Variants in EP300 observed in about 807,000 individuals in gnomAD.
The protein encoded by EP300 is histone acetyltransferase p300.
A neutral mutation model predicts 264.0 loss-of-function variants in EP300; 31 were observed. The observed-to-expected ratio is 0.12, with a 90% CI of 0.09 to 0.16. The LOEUF (loss-of-function observed/expected upper bound fraction) is 0.16. Among genes scored for constraint, EP300 ranks in the 10% least tolerant of loss-of-function variants. EP300 has a pLI of 1.00. For missense variants in EP300, 2,766 were observed against 3,052.9 expected (o/e 0.91, Z 2.21); for synonymous variants, 1,340 against 1,045.4 (o/e 1.28, Z -5.44).
chr22:41,117,181 T>A lies in EP300; in HGVS notation c.95-6T>A. 6.2e-7 allele frequency: 1 copy of A among 1,614,042 alleles called. No individual in the cohort carries two copies. On this transcript the variant is annotated splice_region_variant and splice_polypyrimidine_tract_variant and intron_variant, in intron 1 of 30. Coordinates refer to ENST00000263253, the MANE Select transcript of EP300 (RefSeq NM_001429.4). ...TTTGACCTTTGTCTTTTCCCTTTGC[T>A]TTTAGATTTTGGCTCTCTATTTGAC...
Position 41,158,655 on chromosome 22 carries a change from T to A in EP300, c.3590+155T>A, listed in dbSNP as rs932864341. ...CTGTTTTTTGCCTTCTGCCTTTGTT[T>A]GCAGAACAATAAAATTTTCTATCAG... On this transcript the variant is annotated intron_variant, in intron 19 of 30. Transcript: ENST00000263253. 7 of 660,370 alleles carry A rather than the reference T, an allele frequency of 1.1e-5. No homozygotes were observed. In the African/African-American group the frequency reaches 1.3e-4, roughly 12 times the overall value. The allele number at this position is 660,370 out of a possible 1,614,324, so 40.9% of individuals were successfully genotyped here.
chr22:41,147,115 C>G (rs1039873362), intron 11 of EP300, among the ~76,000 whole-genome samples: 30 of 151,762 alleles, frequency 2.0e-4, no homozygotes, highest in African/African-American at 6.8e-4. Context: ...ACCAGCCTGG[C>G]CAATGTGGTG....
chr22:41,117,938 C>T lies in EP300; in HGVS notation c.729+117C>T. 3 of 1,516,590 alleles carry T rather than the reference C, an allele frequency of 2.0e-6. No homozygotes were observed. The South Asian group carries it at 3.5e-5, about 18-fold the overall frequency. The allele number at this position is 1,516,590 out of a possible 1,614,324, so 93.9% of individuals were successfully genotyped here. On this transcript the variant is annotated intron_variant, in intron 2 of 30. Coordinates refer to ENST00000263253, the MANE Select transcript of EP300 (RefSeq NM_001429.4). ...TCCACTATTACACGCCAGGAATTTA[C>T]TGTGCTGTCATAAGTTTTAAGAAGT...
intron 2 of EP300, among the ~76,000 whole-genome samples, chr22:41,124,296 A>G (rs2058868679): frequency 6.6e-6 from 1 of 152,162 alleles, no homozygotes; most frequent in East Asian, 1.9e-4. Context: ...TGAAGGGCCA[A>G]GCAGGTGACT....
rs964849102 is a variant in EP300, at chr22:41,092,849, C to T, written c.-156C>T. ...AGTCCGCATCCCTCTCCAGCCACTG[C>T]GACCCGGCGAAGAGAAAAAGGAACT... is the stretch of plus-strand genomic sequence containing the variant. On this transcript the variant is annotated 5_prime_UTR_variant, in exon 1 of 31. Coordinates refer to ENST00000263253, the MANE Select transcript of EP300 (RefSeq NM_001429.4). 13 of 815,668 alleles carry T rather than the reference C, an allele frequency of 1.6e-5. No homozygotes were observed. Among genetic ancestry groups the T allele is most frequent in the Admixed American group, 5.8e-5 (3 of 51,720 alleles). The allele number at this position is 815,668 out of a possible 1,614,324, so 50.5% of individuals were successfully genotyped here. A position where few individuals can be genotyped will look rare whatever the true frequency, so the allele number is the denominator to read the frequency against.
chr22:41,179,555 T>C lies in EP300; in HGVS notation c.*599T>C, dbSNP rs2059228062. On this transcript the variant is annotated 3_prime_UTR_variant, in exon 31 of 31. Coordinates refer to ENST00000263253, the MANE Select transcript of EP300 (RefSeq NM_001429.4). ...GTTTAAAAAAAAAAAAAAACTGCCTTTCTTCCCCTCAAGTCAACTTTTGTG... is the reference window on the plus strand; with the variant it reads ...GTTTAAAAAAAAAAAAAAACTGCCTCTCTTCCCCTCAAGTCAACTTTTGTG... The C allele has an allele frequency of 1.5e-5, 3 of 199,484 alleles. No homozygotes were observed. The East Asian group carries it at 2.3e-4, about 15-fold the overall frequency. 12.4% of individuals were successfully genotyped at this position (199,484 alleles called of 1,614,324 possible).
At chr22:41,114,084 T>G (rs1298369763) in intron 1 of EP300, among the ~76,000 whole-genome samples, 1 of 152,160 alleles carries the variant, frequency 6.6e-6, no homozygotes, top group African/African-American at 2.4e-5. Context: ...CACGTAAGTA[T>G]AAGGAAATAA....
rs1474813282 is a variant in EP300, at chr22:41,147,941, A to G, written c.2236A>G (p.Asn746Asp). 1.2e-6 allele frequency: 2 copies of G among 1,601,906 alleles called. No individual in the cohort carries two copies. Among genetic ancestry groups the G allele is most frequent in the Non-Finnish European group, 8.5e-7 (1 of 1,173,342 alleles). The change falls in exon 12 of 31, where the codon AAC (asparagine) becomes GAC (aspartate). Residue 746 changes from asparagine (N) to aspartate (D), a missense_variant. By Grantham distance (23) the Asn-to-Asp change is conservative (BLOSUM62 1). Coordinates refer to ENST00000263253, the MANE Select transcript of EP300 (RefSeq NM_001429.4). ...ACAGTTGGCTCAACCTGGAGCTCTC[A>G]ACCCGGTTAGTTTGACGTCTTTGGT... Reference protein sequence around the residue: ...HGQLAQPGALNPPMGYGPRMQ... With the variant: ...HGQLAQPGALDPPMGYGPRMQ...
intron 2 of EP300, among the ~76,000 whole-genome samples, chr22:41,122,157 C>CTTTTTTTTTTTTTTTTT (rs71328774): frequency 2.8e-5 from 1 of 35,854 alleles, no homozygotes; most frequent in African/African-American, 7.0e-5. Flanking sequence ...TCTTCTTCTT[C>CTTTTTTTTTTTTTTTTT]TTTTTTTTTT....
rs946249650 is a variant in EP300, at chr22:41,098,457, C to T, written c.94+5359C>T. Among the ~76,000 whole-genome samples the T allele has an allele frequency of 4.1e-4, 62 of 152,116 alleles. 1 individual carries two copies. Among genetic ancestry groups the T allele is most frequent in the South Asian group, 4.1e-4 (2 of 4,832 alleles). ...CGCGATCTCGGGTCACTGCAAGCTC[C>T]GCCTCCCGGGTTCAAGCCATTCTCC... On this transcript the variant is annotated intron_variant, in intron 1 of 30. Coordinates refer to ENST00000263253, the MANE Select transcript of EP300 (RefSeq NM_001429.4).
chr22:41,163,698 T>A (rs1444536747), intron 21 of EP300, among the ~76,000 whole-genome samples: 2 of 145,206 alleles, frequency 1.4e-5, no homozygotes. Context: ...AGTGAGCTGA[T>A]ATGACGCCAC....
intron 2 of EP300, among the ~76,000 whole-genome samples, chr22:41,120,029 G>C (rs181718619): frequency 6.6e-6 from 1 of 152,094 alleles, no homozygotes; most frequent in Non-Finnish European, 1.5e-5. Flanking sequence ...GCCCAGGCTC[G>C]TTGTGAACTC....
intron 1 of EP300, among the ~76,000 whole-genome samples, chr22:41,099,844 A>G (rs2058721499): frequency 6.6e-6 from 1 of 152,216 alleles, no homozygotes; most frequent in Non-Finnish European, 1.5e-5. Flanking sequence ...AATGGCTGGT[A>G]GTTTATACAG....
intron 2 of EP300, among the ~76,000 whole-genome samples, chr22:41,123,444 G>A (rs2058863421): frequency 6.6e-6 from 1 of 152,166 alleles, no homozygotes; most frequent in South Asian, 2.1e-4. Context: ...TATAGAGGCA[G>A]GTGAAAACAG....
chr22:41,140,262 G>A lies in EP300; in HGVS notation c.1878+5G>A. ...TATGAATCTGCAAACAATCGAGTGA[G>A]TGTCTGGTTTTTTTCTATTAATAGC... On this transcript the variant is annotated splice_donor_5th_base_variant and intron_variant, in intron 9 of 30. Transcript: ENST00000263253. 6.3e-7 allele frequency: 1 copy of A among 1,585,774 alleles called. No individual in the cohort carries two copies. Among genetic ancestry groups the A allele is most frequent in the Non-Finnish European group, 8.7e-7 (1 of 1,154,198 alleles).
Position 41,092,664 on chromosome 22 carries a change from G to A in EP300, c.-341G>A. The stretch of plus-strand genomic sequence containing the variant: ...CGGAGCTCCGAGAGACCTCGGCTGG[G>A]CAGGGGCCGGCCGTGGCGGGCCGGG... On this transcript the variant is annotated 5_prime_UTR_variant, in exon 1 of 31. Coordinates refer to ENST00000263253, the MANE Select transcript of EP300 (RefSeq NM_001429.4). The A allele has an allele frequency of 4.7e-6, 3 of 633,912 alleles. No homozygotes were observed. Among genetic ancestry groups the A allele is most frequent in the South Asian group, 4.0e-5 (2 of 50,534 alleles). 39.3% of individuals were successfully genotyped at this position (633,912 alleles called of 1,614,324 possible).
chr22:41,098,377 G>A (rs150249665), intron 1 of EP300, among the ~76,000 whole-genome samples: 2,783 of 152,252 alleles, frequency 0.018, 82 homozygotes, highest in African/African-American at 0.064. Context: ...AATTAGAAGT[G>A]ATTGTTTTTT....
chr22:41,169,095 C>T, intron 25 of EP300: 2 of 621,974 alleles, frequency 3.2e-6, no homozygotes, highest in Non-Finnish European at 5.6e-6. Flanking sequence ...ATATGAATAG[C>T]AACCTGAAAT....
intron 8 of EP300, among the ~76,000 whole-genome samples, chr22:41,139,558 T>G (rs1265388414): frequency 6.6e-6 from 1 of 152,196 alleles, no homozygotes; most frequent in Admixed American, 6.5e-5. Context: ...CCAAATAAAA[T>G]TAGTGCCTAA....
Sources: gnomAD v4.1 joint callset for allele counts (sites outside exome capture counted in the v4.1 genomes callset) on GRCh38, gnomAD v4.1.1 for gene constraint, MANE v1.5 for transcripts, NCBI Gene and HGNC (gene_info 2026-07-23, HGNC 2026-07-21) for gene names.